LIG1: variants seen among roughly 807,000 people sequenced by gnomAD.
LIG1 encodes the protein DNA ligase 1.
Under a neutral mutation model 115.7 loss-of-function variants are expected in LIG1, and 70 were observed. That is an observed-to-expected ratio of 0.60 (90% CI 0.50 to 0.74). The LOEUF is 0.74. Ranked by LOEUF, LIG1 falls within the 30% of genes least tolerant of loss-of-function variation. LIG1 has a pLI of 0.00. For synonymous variants in LIG1, 487 were observed against 495.3 expected (o/e 0.98, Z 0.22); for missense variants, 1,115 against 1,225.6 (o/e 0.91, Z 1.35).
intron 24 of LIG1, chr19:48,120,901 A>G (rs2033216982): frequency 1.6e-6 from 2 of 1,270,568 alleles, no homozygotes; most frequent in Non-Finnish European, 2.0e-6. Context: ...TAACAAAAAA[A>G]TTCTTTTCTT....
intron 7 of LIG1, among the ~76,000 whole-genome samples, chr19:48,150,417 G>T (rs1214123077): frequency 6.6e-6 from 1 of 152,148 alleles, no homozygotes; most frequent in Non-Finnish European, 1.5e-5. Context: ...CACTTGGCCT[G>T]AAATAGGAGA....
intron 4 of LIG1, among the ~76,000 whole-genome samples, chr19:48,158,331 G>A (rs755737581): frequency 1.1e-4 from 16 of 149,948 alleles, no homozygotes; most frequent in Non-Finnish European, 1.9e-4. Flanking sequence ...CAGGGACAAG[G>A]GCATCTACAG....
At chr19:48,123,131 G>A in intron 22 of LIG1, 43 bp downstream of exon 22, 8 of 1,613,878 alleles carry the variant, frequency 5.0e-6, no homozygotes, top group Non-Finnish European at 6.8e-6. Flanking sequence ...GCCGGGGTCA[G>A]CGCAAGCTGC....
intron 21 of LIG1, among the ~76,000 whole-genome samples, chr19:48,125,483 A>AG (rs1452801138): frequency 6.6e-6 from 1 of 150,966 alleles, no homozygotes; most frequent in African/African-American, 2.5e-5. Flanking sequence ...GTCCCGGCGA[A>AG]GGACAGATGG....
At chr19:48,140,237 G>C (rs1012853059) in intron 11 of LIG1, 94 bp from the exon 12 acceptor site, 2 of 813,670 alleles carry the variant, frequency 2.5e-6, no homozygotes, top group African/African-American at 3.4e-5. Flanking sequence ...ACACTAGAAA[G>C]AAATGGAGAA....
At position 48,122,505 on chromosome 19, in the gene LIG1, A is replaced by C; in HGVS notation, c.2232+429T>G. On this transcript the variant is annotated intron_variant, in intron 23 of 27. Transcript: ENST00000263274. This position sits in a 1 kb window ranked among gnomAD's most constrained non-coding sequence, Gnocchi z 4.3. ...TTTCCTCCCTAGTGCTCTGTCCCTC[A>C]CTTTGGGAAAGACTCTTCCTGATCA... The C allele has an allele frequency of 3.2e-6, 1 of 313,364 alleles. No homozygotes were observed. The highest frequency in any genetic ancestry group is 6.3e-6 in the Non-Finnish European group (1 of 159,190). The allele number at this position is 313,364 out of a possible 1,614,324, so 19.4% of individuals were successfully genotyped here.
Position 48,137,376 on chromosome 19 carries a change from CAGGA to C in LIG1, c.1254+142_1254+145del. On this transcript the variant is annotated intron_variant, in intron 13 of 27. Coordinates refer to ENST00000263274, the MANE Select transcript of LIG1 (RefSeq NM_000234.3). This position sits in a 1 kb window ranked among gnomAD's most constrained non-coding sequence, Gnocchi z 4.3. Reference sequence around the variant, plus strand: ...GAGGAGACTCCCCTAGGATTGGGTGCAGGAAGGAGGAGAGGAAGCTGTGCACCCC... The same window carrying C: ...GAGGAGACTCCCCTAGGATTGGGTGCAGGAGGAGAGGAAGCTGTGCACCCC... 9.6e-7 allele frequency: 1 copy of C among 1,044,582 alleles called. No individual in the cohort carries two copies. Among genetic ancestry groups the C allele is most frequent in the Non-Finnish European group, 1.4e-6 (1 of 710,166 alleles). 64.7% of individuals were successfully genotyped at this position (1,044,582 alleles called of 1,614,324 possible).
In LIG1 at chr19:48,115,716, C is replaced by T. The variant is rs752573864; in HGVS notation, c.2693G>A (p.Arg898Gln). The change falls in exon 28 of 28, where the codon CGG becomes CAG. Residue 898 changes from arginine to glutamine, a missense_variant. By Grantham distance (43) the Arg-to-Gln change is conservative. Transcript: ENST00000263274. ...TTGGTTCTGAATCTGACTTTGCTTC[C>T]GGTACAAACAGGCCACCTGCGGAGA... ...TTSAQVACLY[R>Q]KQSQIQNQQG... is the part of the protein sequence containing the mutation. 1.3e-5 allele frequency: 21 copies of T among 1,613,968 alleles called. No homozygotes were observed. The highest frequency in any genetic ancestry group is 1.6e-4 in the Middle Eastern group (1 of 6,084).
chr19:48,121,188 C>T lies in LIG1; in HGVS notation c.2367G>A (p.Glu789=), dbSNP rs1439669485. ...LLASYDEDSE[E]LQAICKLGTG... Reference sequence around the variant, plus strand: ...CCAGGACCTTGCATATGGCCTGCAGCTCCTCACTGTCCTCGTCGTAGGAGG... The same window carrying T: ...CCAGGACCTTGCATATGGCCTGCAGTTCCTCACTGTCCTCGTCGTAGGAGG... Residue 789 remains glutamate (E), a synonymous_variant, in exon 24 of 28, where the codon GAG becomes GAA. Transcript: ENST00000263274. The T allele has an allele frequency of 2.5e-6, 4 of 1,614,162 alleles. No homozygotes were observed. The highest frequency in any genetic ancestry group is 3.4e-6 in the Non-Finnish European group (4 of 1,180,022).
chr19:48,167,824 T>C (rs1312108424), intron 1 of LIG1, among the ~76,000 whole-genome samples: 1 of 135,464 alleles, frequency 7.4e-6, no homozygotes, highest in East Asian at 2.0e-4. Flanking sequence ...AGACCCCGTC[T>C]TAAAAAAAAA....
At chr19:48,138,963 C>G (rs1362101041) in intron 12 of LIG1, among the ~76,000 whole-genome samples, 1 of 152,198 alleles carries the variant, frequency 6.6e-6, no homozygotes, top group Non-Finnish European at 1.5e-5. Context: ...TGATCCAAGT[C>G]AACCTTTCTC....
chr19:48,130,081 T>C (rs2033917844), intron 19 of LIG1, among the ~76,000 whole-genome samples: 1 of 152,262 alleles, frequency 6.6e-6, no homozygotes, highest in Non-Finnish European at 1.5e-5. Flanking sequence ...GATGAGAATG[T>C]GGAAATATTT....
chr19:48,129,287 G>A (rs982631487), intron 19 of LIG1, among the ~76,000 whole-genome samples: 2 of 152,200 alleles, frequency 1.3e-5, no homozygotes, highest in African/African-American at 4.8e-5. Context: ...CTAACCTCAA[G>A]TGATTCACCC....
intron 2 of LIG1, among the ~76,000 whole-genome samples, chr19:48,164,732 T>TC (rs1321165700): frequency 1.3e-5 from 2 of 152,234 alleles, no homozygotes; most frequent in Non-Finnish European, 2.9e-5. Context: ...GGCTGTTTAC[T>TC]CCAGCAGGTT....
intron 21 of LIG1, 65 bp downstream of exon 21, chr19:48,127,212 G>C: frequency 7.6e-7 from 1 of 1,314,972 alleles, no homozygotes; most frequent in Non-Finnish European, 1.1e-6. Context: ...CAGAGGGGCA[G>C]CTGCCAGGCT....
At chr19:48,151,877 T>C (rs1191521692) in intron 6 of LIG1, among the ~76,000 whole-genome samples, 1 of 151,998 alleles carries the variant, frequency 6.6e-6, no homozygotes, top group Non-Finnish European at 1.5e-5. Flanking sequence ...TTTAGTGTTA[T>C]TCACCCCAAA....
At chr19:48,143,841 C>T (rs773481109) in intron 10 of LIG1, 42 bp downstream of exon 10, 1 of 1,523,434 alleles carries the variant, frequency 6.6e-7, no homozygotes, top group Non-Finnish European at 9.1e-7. Context: ...CCGGTGGCAA[C>T]AGGGACCGGA....
chr19:48,136,741 C>T (rs1327868550), intron 14 of LIG1, among the ~76,000 whole-genome samples: 2 of 152,202 alleles, frequency 1.3e-5, no homozygotes, highest in Admixed American at 6.5e-5. Context: ...GCGCCCAAGC[C>T]GAGGCAGACC....
At chr19:48,143,515 C>A in intron 11 of LIG1, 28 bp downstream of exon 11, 10 of 561,070 alleles carry the variant, frequency 1.8e-5, no homozygotes, top group South Asian at 7.1e-5. Context: ...CGACCCCGCC[C>A]CCCACCCAGG....
Sources: allele counts gnomAD v4.1 joint callset (sites outside exome capture counted in the v4.1 genomes callset), GRCh38; gene constraint gnomAD v4.1.1; non-coding constraint Gnocchi (gnomAD v3.1); transcripts MANE v1.5; gene names NCBI Gene and HGNC (gene_info 2026-07-23, HGNC 2026-07-21).